The following SORCS2 variants were observed in gnomAD, a reference collection of about 807,000 sequenced individuals.
SORCS2 encodes VPS10 domain-containing receptor SorCS2.
SORCS2 carries 100 observed loss-of-function variants against 141.6 expected under a neutral mutation model. That is an observed-to-expected ratio of 0.71 (90% CI 0.60 to 0.83). SORCS2 has a LOEUF of 0.83. Among genes scored for constraint, SORCS2 ranks in the 40% least tolerant of loss-of-function variants. The probability of loss-of-function intolerance (pLI) is 0.00; values close to 1 mark genes in which losing one functional copy is unlikely to be tolerated. For missense variants in SORCS2, 1,646 were observed against 1,560.2 expected, an observed-to-expected ratio of 1.05 and a Z score of -0.93; for synonymous variants, 789 against 676.9, an observed-to-expected ratio of 1.17 and a Z score of -2.57.
chr4:7,356,635 G>A (rs1287575697), intron 1 of SORCS2, among the ~76,000 whole-genome samples: 1 of 152,214 alleles, frequency 6.6e-6, no homozygotes, highest in African/African-American at 2.4e-5. Context: ...CCGTTACACT[G>A]GGAATTAGGA....
chr4:7,574,585 G>A (rs1715622762), intron 3 of SORCS2, among the ~76,000 whole-genome samples: 1 of 151,992 alleles, frequency 6.6e-6, no homozygotes, highest in African/African-American at 2.4e-5. Context: ...GGGAAGGAGG[G>A]AGGGAGAGAG....
At chr4:7,506,250 A>AT (rs976293285) in intron 2 of SORCS2, among the ~76,000 whole-genome samples, 22 of 152,188 alleles carry the variant, frequency 1.4e-4, no homozygotes, top group African/African-American at 5.3e-4. Flanking sequence ...GGGCGCTGCC[A>AT]TAGTCTGGGC....
chr4:7,539,872 TC>T (rs1363746848), intron 3 of SORCS2, among the ~76,000 whole-genome samples: 31 of 119,794 alleles, frequency 2.6e-4, no homozygotes, highest in Non-Finnish European at 4.9e-4. Context: ...GGAAGCCCCA[TC>T]CCCTCCCTGC....
chr4:7,495,797 T>G (rs1577657273), intron 2 of SORCS2, among the ~76,000 whole-genome samples: 1 of 151,966 alleles, frequency 6.6e-6, no homozygotes, highest in South Asian at 2.1e-4. Flanking sequence ...CCTGATTGAG[T>G]CTGAGCTGCG....
intron 3 of SORCS2, among the ~76,000 whole-genome samples, chr4:7,552,212 C>T (rs776146869): frequency 3.9e-5 from 6 of 152,144 alleles, no homozygotes; most frequent in African/African-American, 7.2e-5. Flanking sequence ...AGGGCCCATG[C>T]GAGGTGGGGC....
chr4:7,545,728 G>A (rs1713207191), intron 3 of SORCS2, among the ~76,000 whole-genome samples: 1 of 152,200 alleles, frequency 6.6e-6, no homozygotes, highest in African/African-American at 2.4e-5. Context: ...GGTGTTTGTG[G>A]GCACCTGCCT....
At position 7,725,307 on chromosome 4, in the gene SORCS2, A is replaced by G. The variant is rs370846822; in HGVS notation, c.2745+20A>G. On this transcript the variant is annotated intron_variant, in intron 20 of 26. Transcript: ENST00000507866. ...CTGCAGGTGCGCTGGCTTTGCCCCA[A>G]CTCAGCCCTTCTTCCCGCAGGCTCC... 2 of 1,607,496 alleles carry G rather than the reference A, an allele frequency of 1.2e-6. No individual in the cohort carries two copies. The highest frequency in any genetic ancestry group is 1.3e-5 in the African/African-American group (1 of 74,748).
chr4:7,533,829 G>C lies in SORCS2; in HGVS notation c.648+2200G>C, dbSNP rs113578021. Reference sequence around the variant, plus strand: ...GCCTCAGTTTCCTGGCCTGTAAAGCGGGCAGGTGGAAGGGCCCATGAGATG... The same window carrying C: ...GCCTCAGTTTCCTGGCCTGTAAAGCCGGCAGGTGGAAGGGCCCATGAGATG... On this transcript the variant is annotated intron_variant, in intron 3 of 26. Transcript: ENST00000507866. Among the ~76,000 whole-genome samples, 931 of 152,318 alleles carry C rather than the reference G, an allele frequency of 6.1e-3. 11 individuals carry two copies. Among genetic ancestry groups the C allele is most frequent in the African/African-American group, 0.021 (879 of 41,564 alleles).
chr4:7,267,197 G>A (rs1160859843), intron 1 of SORCS2, among the ~76,000 whole-genome samples: 1 of 152,202 alleles, frequency 6.6e-6, no homozygotes, highest in African/African-American at 2.4e-5. Flanking sequence ...GAGATGAGTA[G>A]GCATCTTCCT....
intron 1 of SORCS2, among the ~76,000 whole-genome samples, chr4:7,364,641 C>G (rs1721774042): frequency 6.6e-6 from 1 of 152,154 alleles, no homozygotes. Flanking sequence ...TCATTTCCCT[C>G]CACAAAACAG....
intron 8 of SORCS2, among the ~76,000 whole-genome samples, chr4:7,673,052 A>T (rs1433820225): frequency 3.3e-5 from 5 of 152,264 alleles, no homozygotes; most frequent in African/African-American, 1.2e-4. Flanking sequence ...TCCTTCATGT[A>T]AAAATATCAA....
At chr4:7,397,939 CCTT>C (rs1191174442) in intron 2 of SORCS2, among the ~76,000 whole-genome samples, 6 of 152,224 alleles carry the variant, frequency 3.9e-5, no homozygotes, top group Non-Finnish European at 5.9e-5. Context: ...CTGCAGTCCT[CCTT>C]GGCATGGAGG....
At chr4:7,444,900 C>T (rs1315790055) in intron 2 of SORCS2, among the ~76,000 whole-genome samples, 1 of 152,252 alleles carries the variant, frequency 6.6e-6, no homozygotes, top group African/African-American at 2.4e-5. Context: ...GAGTCAGGAA[C>T]ACACCGAACG....
intron 2 of SORCS2, among the ~76,000 whole-genome samples, chr4:7,479,541 C>T (rs934407416): frequency 5.3e-5 from 8 of 152,214 alleles, no homozygotes; most frequent in African/African-American, 1.9e-4. Flanking sequence ...TTCTGCACAC[C>T]GCTGCCAGGG....
At chr4:7,683,990 G>A (rs1246787604) in intron 10 of SORCS2, among the ~76,000 whole-genome samples, 2 of 152,182 alleles carry the variant, frequency 1.3e-5, no homozygotes, top group Non-Finnish European at 2.9e-5. Context: ...CCAGGGACCA[G>A]TGGATGCAAG....
intron 1 of SORCS2, among the ~76,000 whole-genome samples, chr4:7,256,682 T>C (rs4527475): frequency 0.88 from 132,874 of 151,006 alleles, 58,626 homozygotes; most frequent in African/African-American, 0.93. Flanking sequence ...CCATCAATAG[T>C]GGGGGAGCTG....
At chr4:7,594,848 T>C (rs949959581) in intron 3 of SORCS2, among the ~76,000 whole-genome samples, 19 of 152,148 alleles carry the variant, frequency 1.2e-4, no homozygotes, top group African/African-American at 4.3e-4. Context: ...TAAACCAGCA[T>C]AATAGTAGCA....
chr4:7,733,083 CT>C (rs1386936460), intron 23 of SORCS2, among the ~76,000 whole-genome samples: 15 of 150,584 alleles, frequency 1.0e-4, no homozygotes, highest in Admixed American at 5.3e-4. Flanking sequence ...CCCCTCCCCC[CT>C]AGTGGAGGAC....
At chr4:7,374,115 CTTTCTTTCTTTCCCTCTT>C (rs1722458018) in intron 1 of SORCS2, among the ~76,000 whole-genome samples, 1 of 23,670 alleles carries the variant, frequency 4.2e-5, no homozygotes, top group African/African-American at 1.8e-4. Context: ...GAGATTCTTT[CTTTCTTTCTTTCCCTCTT>C]TCTTTCTTTC....
Sources: allele counts gnomAD v4.1 joint callset (sites outside exome capture counted in the v4.1 genomes callset), GRCh38; gene constraint gnomAD v4.1.1; transcripts MANE v1.5; gene names NCBI Gene and HGNC (gene_info 2026-07-23, HGNC 2026-07-21).